The following C1orf167 variants were observed in gnomAD, a reference collection of about 807,000 sequenced individuals.
The protein encoded by C1orf167 is chromosome 1 open reading frame 167.
A neutral mutation model predicts 176.5 loss-of-function variants in C1orf167; 153 were observed. That is an observed-to-expected ratio of 0.87 (90% CI 0.76 to 0.99). C1orf167 has a LOEUF of 0.99. C1orf167 is among the 50% of genes least tolerant of loss of function. The pLI, the probability that C1orf167 is intolerant of heterozygous loss-of-function variation, is 0.00. For missense variants in C1orf167, 1,490 were observed against 1,817.7 expected, an observed-to-expected ratio of 0.82 and a Z score of 3.28; for synonymous variants, 594 against 752.7, an observed-to-expected ratio of 0.79 and a Z score of 3.45.
At chr1:11,762,511 C>G (rs1269892797) in intron 1 of C1orf167, among the ~76,000 whole-genome samples, 1 of 152,122 alleles carries the variant, frequency 6.6e-6, no homozygotes, top group East Asian at 1.9e-4. Flanking sequence ...GTGGATTGAG[C>G]GGCCTCAAGT....
Position 11,788,024 on chromosome 1 carries a change from C to A in C1orf167, c.3825C>A (p.Ser1275Arg). The A allele has an allele frequency of 7.7e-7, 1 of 1,300,742 alleles. No individual in the cohort carries two copies. 80.6% of individuals were successfully genotyped at this position (1,300,742 alleles called of 1,614,324 possible). A position where few individuals can be genotyped will look rare whatever the true frequency, so the allele number is the denominator to read the frequency against. ...AGCCCAGAGCCTGCAAAGCCCAAAGCAAGGCCCATAAACGGAGGCTACGGT... is the reference window on the plus strand; with the variant it reads ...AGCCCAGAGCCTGCAAAGCCCAAAGAAAGGCCCATAAACGGAGGCTACGGT... The part of the protein sequence containing the change: ...SPEPRACKAQ[S>R]KAHKRRLRAR... The change falls in exon 18 of 21, where the codon AGC becomes AGA. Residue 1275 changes from serine (S) to arginine (R), a missense_variant. Transcript: ENST00000688073.
At position 11,764,466 on chromosome 1, in the gene C1orf167, G is replaced by A. The variant is rs140131911; in HGVS notation, c.66G>A (p.Lys22=). 1,104 of 1,289,406 alleles carry A rather than the reference G, an allele frequency of 8.6e-4. 5 individuals are homozygous for A. The East Asian group carries it at 0.011, about 12-fold the overall frequency. 79.9% of individuals were successfully genotyped at this position (1,289,406 alleles called of 1,614,324 possible). ...NVSPKPAALP[K]PEQRRFRRSL... ...CCCCAAAGCCTGCAGCGCTCCCGAA[G>A]CCAGGCAAGAGGCTTAGTGGGCCTG... The change falls in exon 2 of 21, where the codon AAG becomes AAA. Residue 22 remains lysine, a synonymous_variant. Transcript: ENST00000688073.
intron 20 of C1orf167, 141 bp downstream of exon 20, chr1:11,788,887 G>C (rs553529153): frequency 3.4e-6 from 2 of 589,710 alleles, no homozygotes; most frequent in East Asian, 1.4e-4. Flanking sequence ...GAGGGGGTCA[G>C]TTCCATTACA....
rs1165369268 is a variant in C1orf167 at position 11,782,239 on chromosome 1, C to T, written c.2911C>T (p.Gln971Ter). 1 of 1,301,640 alleles carries T rather than the reference C, an allele frequency of 7.7e-7. No homozygotes were observed. The highest frequency in any genetic ancestry group is 1.0e-6 in the Non-Finnish European group (1 of 988,028). 80.6% of individuals were successfully genotyped at this position (1,301,640 alleles called of 1,614,324 possible). The part of the protein sequence containing the change: ...KCQTWVQVHL[Q>*]GLQKVVFRSW... ...CCAGACATGGGTGCAGGTCCACCTC[C>T]AGGGCCTGCAGAAGGTGGTGTTCCG... Residue 971 changes from glutamine to a stop codon, truncating the protein, a stop_gained, in exon 14 of 21, where the codon CAG (glutamine) becomes TAG (stop). Transcript: ENST00000688073. LOFTEE classifies it high-confidence loss of function.
In C1orf167 at chr1:11,766,233, C is replaced by T. The variant is rs1642786727; in HGVS notation, c.447C>T (p.Pro149=). The T allele has an allele frequency of 7.8e-7, 1 of 1,289,818 alleles. No individual in the cohort carries two copies. Among genetic ancestry groups the T allele is most frequent in the Non-Finnish European group, 1.0e-6 (1 of 988,852 alleles). The allele number at this position is 1,289,818 out of a possible 1,614,324, so 79.9% of individuals were successfully genotyped here. A position where few individuals can be genotyped will look rare whatever the true frequency, so the allele number is the denominator to read the frequency against. The change falls in exon 3 of 21, where the codon CCC becomes CCT. Residue 149 remains proline, a synonymous_variant. Coordinates refer to ENST00000688073, the MANE Select transcript of C1orf167 (RefSeq NM_001010881.2). The surrounding 1 kb of genome is among the most constrained non-coding windows in gnomAD (Gnocchi z 4.5). ...PGGSSGPHKL[P]WGPLLSQEPL... ...GAAGCTCTGGGCCCCACAAGCTTCC[C>T]TGGGGTCCTCTCCTATCCCAAGAGC...
chr1:11,784,556 G>A lies in C1orf167; in HGVS notation c.3388G>A (p.Val1130Ile), dbSNP rs184406429. 2 of 1,280,686 alleles carry A rather than the reference G, an allele frequency of 1.6e-6. No homozygotes were observed. The highest frequency in any genetic ancestry group is 1.3e-5 in the South Asian group (1 of 78,438). 79.3% of individuals were successfully genotyped at this position (1,280,686 alleles called of 1,614,324 possible). A position where few individuals can be genotyped will look rare whatever the true frequency, so the allele number is the denominator to read the frequency against. The change falls in exon 15 of 21, where the codon GTC becomes ATC. Residue 1130 changes from valine to isoleucine, a missense_variant. Val to Ile is a conservative substitution (Grantham distance 29, BLOSUM62 3). Transcript: ENST00000688073. ...GGTGCATGAGTCCTGTCGGGGCCAG[G>A]TCAGCCGAGCCCATGCTTCCTGGAA... ...LWVHESCRGQ[V>I]SRAHASWKPR...
chr1:11,767,175 C>G (rs1253304868), intron 3 of C1orf167, 46 bp from the exon 4 acceptor site: 1 of 1,288,674 alleles, frequency 7.8e-7, no homozygotes, highest in Non-Finnish European at 1.0e-6. Flanking sequence ...CCTGTCCTGC[C>G]TGCTGCTTGG....
At chr1:11,763,377 G>C (rs559939051) in intron 1 of C1orf167, among the ~76,000 whole-genome samples, 1 of 151,772 alleles carries the variant, frequency 6.6e-6, no homozygotes, top group Non-Finnish European at 1.5e-5. Context: ...GGAGGCAGGC[G>C]GAGGTTGCAG....
intron 16 of C1orf167, chr1:11,786,947 G>C (rs949066488): frequency 6.6e-6 from 1 of 152,568 alleles, no homozygotes; most frequent in Non-Finnish European, 1.5e-5. Context: ...ATAAGCTGAT[G>C]GAGAAACTGA....
In C1orf167 at chr1:11,768,309, G is replaced by A. The variant is rs1212630287; in HGVS notation, c.1542+34G>A. The A allele has an allele frequency of 7.8e-7, 1 of 1,285,900 alleles. No individual in the cohort carries two copies. The highest frequency in any genetic ancestry group is 1.5e-5 in the African/African-American group (1 of 65,920). 79.7% of individuals were successfully genotyped at this position (1,285,900 alleles called of 1,614,324 possible). A position where few individuals can be genotyped will look rare whatever the true frequency, so the allele number is the denominator to read the frequency against. On this transcript the variant is annotated intron_variant, in intron 5 of 20. Transcript: ENST00000688073. This position sits in a 1 kb window ranked among gnomAD's most constrained non-coding sequence, Gnocchi z 4.5. ...TCTCCAGGTTGGGCCAGGGGGCCGT[G>A]TGAAGCAGTGGTGTGTCTGGGGAGG...
intron 17 of C1orf167, 100 bp downstream of exon 17, chr1:11,787,593 G>A: frequency 1.1e-6 from 1 of 889,320 alleles, no homozygotes; most frequent in South Asian, 1.7e-5. Context: ...TTGGGACACG[G>A]TCTTATGTGT....
chr1:11,788,028 G>A lies in C1orf167; in HGVS notation c.3829G>A (p.Ala1277Thr). Residue 1277 changes from alanine (A) to threonine (T), a missense_variant, in exon 18 of 21, where the codon GCC becomes ACC. By Grantham distance (58) the Ala-to-Thr change is moderately conservative. Transcript: ENST00000688073. ...EPRACKAQSK[A>T]HKRRLRARSC... ...CAGAGCCTGCAAAGCCCAAAGCAAG[G>A]CCCATAAACGGAGGCTACGGTAAGA... 1 of 1,299,422 alleles carries A rather than the reference G, an allele frequency of 7.7e-7. No homozygotes were observed. Among genetic ancestry groups the A allele is most frequent in the Non-Finnish European group, 1.0e-6 (1 of 986,444 alleles). The allele number at this position is 1,299,422 out of a possible 1,614,324, so 80.5% of individuals were successfully genotyped here. A position where few individuals can be genotyped will look rare whatever the true frequency, so the allele number is the denominator to read the frequency against.
At chr1:11,772,894 C>CATTATTATTATTATTATTATT (rs1553179315) in intron 8 of C1orf167, among the ~76,000 whole-genome samples, 4,697 of 66,154 alleles carry the variant, frequency 0.071, 101 homozygotes, top group Non-Finnish European at 0.082. Flanking sequence ...TATTATGGGG[C>CATTATTATTATTATTATTATT]ATTATTATTA....
In C1orf167 at chr1:11,772,984, C is replaced by G. The variant is rs924288318; in HGVS notation, c.1988+725C>G. 2.0e-5 allele frequency among the ~76,000 whole-genome samples: 3 copies of G among 150,010 alleles called. No homozygotes were observed. The Admixed American group carries it at 2.0e-4, about 10-fold the overall frequency. Reference sequence around the variant, plus strand: ...CACGATCTCGGCTCACTGCAACCTCCACCTCCTGGGCTCAAGCGATTCTCC... The same window carrying G: ...CACGATCTCGGCTCACTGCAACCTCGACCTCCTGGGCTCAAGCGATTCTCC... On this transcript the variant is annotated intron_variant, in intron 8 of 20. Coordinates refer to ENST00000688073, the MANE Select transcript of C1orf167 (RefSeq NM_001010881.2).
intron 8 of C1orf167, among the ~76,000 whole-genome samples, chr1:11,773,309 A>G (rs6540999): frequency 0.56 from 85,902 of 152,052 alleles, 25,358 homozygotes; most frequent in East Asian, 0.77. Flanking sequence ...GTGTACTCCA[A>G]ATACATCCCC....
Position 11,772,111 on chromosome 1 carries a change from C to T in C1orf167, c.1840C>T (p.Arg614Trp), listed in dbSNP as rs544562573. Residue 614 changes from arginine to tryptophan, a missense_variant, in exon 8 of 21, where the codon CGG becomes TGG. By Grantham distance (101) the Arg-to-Trp change is moderately radical. Transcript: ENST00000688073. Reference protein sequence around the residue: ...VFFLWCQQKKRARQERETLRK... With the variant: ...VFFLWCQQKKWARQERETLRK... ...CTTCCTGTGGTGCCAACAGAAGAAA[C>T]GGGCCAGACAGGAGAGGGAGACTCT... is the stretch of plus-strand genomic sequence containing the variant. 21 of 1,304,006 alleles carry T rather than the reference C, an allele frequency of 1.6e-5. No homozygotes were observed. Among genetic ancestry groups the T allele is most frequent in the Middle Eastern group, 2.1e-4 (1 of 4,696 alleles). The allele number at this position is 1,304,006 out of a possible 1,614,324, so 80.8% of individuals were successfully genotyped here. A position where few individuals can be genotyped will look rare whatever the true frequency, so the allele number is the denominator to read the frequency against.
chr1:11,782,103 G>C (rs1179022217), intron 13 of C1orf167, 86 bp from the exon 14 acceptor site: 1 of 1,142,740 alleles, frequency 8.8e-7, no homozygotes, highest in Non-Finnish European at 1.1e-6. Flanking sequence ...CCACCTGGTA[G>C]GGGGCGAAGG....
chr1:11,763,042 C>A (rs12083350), intron 1 of C1orf167, among the ~76,000 whole-genome samples: 3 of 151,998 alleles, frequency 2.0e-5, no homozygotes, highest in Non-Finnish European at 4.4e-5. Context: ...GAGGTGAGGT[C>A]GTGTGTGCCA....
chr1:11,769,188 C>T, intron 6 of C1orf167, 61 bp downstream of exon 6: 1 of 970,046 alleles, frequency 1.0e-6, no homozygotes, highest in African/African-American at 1.8e-5. Context: ...GCCTTGCCCC[C>T]ACTACTTCCT....
Sources: allele counts gnomAD v4.1 joint callset (sites outside exome capture counted in the v4.1 genomes callset), GRCh38; gene constraint gnomAD v4.1.1; non-coding constraint Gnocchi (gnomAD v3.1); transcripts MANE v1.5; gene names NCBI Gene and HGNC (gene_info 2026-07-23, HGNC 2026-07-21).